The following IQCH variants were observed in gnomAD, a reference collection of about 807,000 sequenced individuals.
IQCH encodes IQ motif containing H, also known as IQ domain-containing protein H.
IQCH carries 98 observed loss-of-function variants against 117.0 expected under a neutral mutation model. The ratio of observed to expected loss-of-function variants is 0.84; its 90% CI spans 0.71 to 0.99. IQCH has a LOEUF of 0.99. Ranked by LOEUF, IQCH falls within the 50% of genes least tolerant of loss-of-function variation. The pLI, the probability that IQCH is intolerant of heterozygous loss-of-function variation, is 0.00. For synonymous variants in IQCH, 412 were observed against 448.2 expected (o/e 0.92, Z 1.02); for missense variants, 1,102 against 1,243.8 (o/e 0.89, Z 1.72).
At chr15:67,421,625 C>A in intron 16 of IQCH, 48 bp downstream of exon 16, 1 of 1,579,596 alleles carries the variant, frequency 6.3e-7, no homozygotes, top group East Asian at 2.2e-5. Flanking sequence ...GTAATGACTC[C>A]GCACCCTACA....
At chr15:67,326,424 CAT>C (rs1173836708) in intron 4 of IQCH, among the ~76,000 whole-genome samples, 1 of 152,206 alleles carries the variant, frequency 6.6e-6, no homozygotes, top group Non-Finnish European at 1.5e-5. Context: ...CTGCAATAAA[CAT>C]ATGTGTGCAT....
chr15:67,261,509 G>A (rs1567045266), intron 2 of IQCH, 115 bp downstream of exon 2: 1 of 753,940 alleles, frequency 1.3e-6, no homozygotes, highest in African/African-American at 1.9e-5. Context: ...TGAATTTAGG[G>A]CAGTCGTCAG....
chr15:67,277,627 G>C (rs1255296103), intron 3 of IQCH, among the ~76,000 whole-genome samples: 2 of 150,620 alleles, frequency 1.3e-5, no homozygotes, highest in Non-Finnish European at 2.9e-5. Context: ...TCCGCCTTCC[G>C]GGTTCATGCC....
rs530477524 is a variant in IQCH at position 67,415,321 on chromosome 15, A to G, written c.2098-1610A>G. Among the ~76,000 whole-genome samples the G allele has an allele frequency of 3.3e-5, 5 of 152,328 alleles. No individual in the cohort carries two copies. The South Asian group carries it at 6.2e-4, about 19-fold the overall frequency. On this transcript the variant is annotated intron_variant, in intron 14 of 20. Transcript: ENST00000335894. The stretch of plus-strand genomic sequence containing the variant: ...TGCATCACAAGACAGAGCTCTCTGC[A>G]TGAACGCTTCCCCAGCCCTTCTTAA...
intron 16 of IQCH, among the ~76,000 whole-genome samples, chr15:67,442,664 C>T (rs1289607932): frequency 1.3e-5 from 2 of 152,048 alleles, no homozygotes; most frequent in African/African-American, 4.8e-5. Context: ...TTTGATCCAG[C>T]AGTCCCATTA....
chr15:67,326,078 T>C (rs578036952), intron 4 of IQCH, among the ~76,000 whole-genome samples: 1 of 152,284 alleles, frequency 6.6e-6, no homozygotes, highest in African/African-American at 2.4e-5. Context: ...TAACTCGTCA[T>C]TTACATTGGG....
At position 67,405,829 on chromosome 15, in the gene IQCH, G is replaced by T. The variant is rs376817404; in HGVS notation, c.2097+5524G>T. On this transcript the variant is annotated intron_variant, in intron 14 of 20. Transcript: ENST00000335894. The surrounding 1 kb of genome is among the most constrained non-coding windows in gnomAD (Gnocchi z 4.8). ...TGCTTTCCAGAGATTTGTGGGAAAC[G>T]CAAATATTCCTGGAACACAGAGGCC... 2 of 152,334 alleles carry T rather than the reference G, an allele frequency of 1.3e-5. No homozygotes were observed. Among genetic ancestry groups the T allele is most frequent in the Non-Finnish European group, 2.9e-5 (2 of 68,042 alleles). The allele number at this position is 152,334 out of a possible 1,614,324, so 9.4% of individuals were successfully genotyped here.
chr15:67,271,369 T>C (rs193042872), intron 3 of IQCH, among the ~76,000 whole-genome samples: 77 of 152,370 alleles, frequency 5.1e-4, no homozygotes, highest in Admixed American at 4.3e-3. Context: ...CCTATAGTTT[T>C]CTTTTTTGTT....
intron 3 of IQCH, among the ~76,000 whole-genome samples, chr15:67,273,620 C>G (rs1427632045): frequency 6.6e-6 from 1 of 152,142 alleles, no homozygotes; most frequent in Admixed American, 6.5e-5. Flanking sequence ...TTTATATTGC[C>G]TATCTTTTAA....
intron 8 of IQCH, chr15:67,371,438 C>T: frequency 4.1e-6 from 6 of 1,450,488 alleles, no homozygotes; most frequent in Non-Finnish European, 2.7e-6. Flanking sequence ...ATTTGTGATC[C>T]TAATCCACCT....
At chr15:67,322,491 T>C (rs892086798) in intron 4 of IQCH, among the ~76,000 whole-genome samples, 1 of 152,126 alleles carries the variant, frequency 6.6e-6, no homozygotes, top group Non-Finnish European at 1.5e-5. Context: ...AATTTAGATA[T>C]GGTTTGATTT....
In IQCH at chr15:67,473,533, T is replaced by C. The variant is rs1226338092; in HGVS notation, c.2677-2163T>C. 1.3e-5 allele frequency among the ~76,000 whole-genome samples: 2 copies of C among 152,250 alleles called. No individual in the cohort carries two copies. Among genetic ancestry groups the C allele is most frequent in the Non-Finnish European group, 2.9e-5 (2 of 68,040 alleles). ...GCTTTTGCTCCAAAGCATTTATCAA[T>C]GGGCAGTGTCTTTCTTAAATTACAT... On this transcript the variant is annotated intron_variant, in intron 17 of 20. Coordinates refer to ENST00000335894, the MANE Select transcript of IQCH (RefSeq NM_001031715.3). This position sits in a 1 kb window ranked among gnomAD's most constrained non-coding sequence, Gnocchi z 4.9.
At chr15:67,335,692 T>A (rs1486820012) in intron 4 of IQCH, among the ~76,000 whole-genome samples, 3 of 152,180 alleles carry the variant, frequency 2.0e-5, no homozygotes. Context: ...ATAAATCTTC[T>A]TATGAGTCCT....
chr15:67,326,877 T>C (rs1016288912), intron 4 of IQCH, among the ~76,000 whole-genome samples: 8 of 152,238 alleles, frequency 5.3e-5, no homozygotes, highest in African/African-American at 1.9e-4. Flanking sequence ...TTCAGTAAAT[T>C]GATTTCAGAT....
chr15:67,255,976 C>T (rs1965166173), intron 1 of IQCH, among the ~76,000 whole-genome samples: 1 of 152,138 alleles, frequency 6.6e-6, no homozygotes, highest in South Asian at 2.1e-4. Flanking sequence ...AAAAAACTGC[C>T]CTAACTTCAA....
intron 13 of IQCH, among the ~76,000 whole-genome samples, chr15:67,398,411 A>G (rs1971536387): frequency 6.6e-6 from 1 of 152,194 alleles, no homozygotes; most frequent in African/African-American, 2.4e-5. Flanking sequence ...GTTCATCACC[A>G]TATGGTTTGT....
rs767633540 is a variant in IQCH at position 67,373,353 on chromosome 15, T to C, written c.1306-14T>C. 1 of 1,598,730 alleles carries C rather than the reference T, an allele frequency of 6.3e-7. No individual in the cohort carries two copies. Among genetic ancestry groups the C allele is most frequent in the South Asian group, 1.1e-5 (1 of 90,754 alleles). Reference sequence around the variant, plus strand: ...AGCTTCCTGTCACTGATCAATGCTCTTCTTGATTTTTAGCATCTGGCAGCC... The same window carrying C: ...AGCTTCCTGTCACTGATCAATGCTCCTCTTGATTTTTAGCATCTGGCAGCC... On this transcript the variant is annotated splice_polypyrimidine_tract_variant and intron_variant, in intron 9 of 20. Coordinates refer to ENST00000335894, the MANE Select transcript of IQCH (RefSeq NM_001031715.3).
At position 67,269,326 on chromosome 15, in the gene IQCH, C is replaced by T. The variant is rs563304841; in HGVS notation, c.269+6110C>T. On this transcript the variant is annotated intron_variant, in intron 3 of 20. Coordinates refer to ENST00000335894, the MANE Select transcript of IQCH (RefSeq NM_001031715.3). Reference sequence around the variant, plus strand: ...TCCTGCTGGTAGAAGTGTAAATTAGCACAAAGTTTTCTTCATTCAGCTTAT... The same window carrying T: ...TCCTGCTGGTAGAAGTGTAAATTAGTACAAAGTTTTCTTCATTCAGCTTAT... Among the ~76,000 whole-genome samples the T allele has an allele frequency of 8.5e-5, 13 of 152,180 alleles. No individual in the cohort carries two copies. In the South Asian group the frequency reaches 2.1e-3, roughly 24 times the overall value.
chr15:67,345,587 C>T (rs1195037859), intron 6 of IQCH, among the ~76,000 whole-genome samples: 3 of 152,122 alleles, frequency 2.0e-5, no homozygotes, highest in African/African-American at 7.2e-5. Flanking sequence ...TACAGAAAAA[C>T]TATGAGAAAA....
Sources: gnomAD v4.1 joint callset for allele counts (sites outside exome capture counted in the v4.1 genomes callset) on GRCh38, gnomAD v4.1.1 for gene constraint, Gnocchi (gnomAD v3.1) non-coding constraint, MANE v1.5 for transcripts, NCBI Gene and HGNC (gene_info 2026-07-23, HGNC 2026-07-21) for gene names.